VAV2: variants seen among roughly 807,000 people sequenced by gnomAD.
VAV2 encodes the protein vav guanine nucleotide exchange factor 2.
A neutral mutation model predicts 132.5 loss-of-function variants in VAV2; 67 were observed. The ratio of observed to expected loss-of-function variants is 0.51; its 90% CI spans 0.42 to 0.62. The LOEUF (loss-of-function observed/expected upper bound fraction) is 0.62, where lower values mean the gene tolerates loss of function less well. Ranked by LOEUF, VAV2 falls within the 20% of genes least tolerant of loss-of-function variation. The probability of loss-of-function intolerance (pLI) is 0.00; values close to 1 mark genes in which losing one functional copy is unlikely to be tolerated. For missense variants in VAV2, 938 were observed against 1,153.6 expected (o/e 0.81, Z 2.71); for synonymous variants, 492 against 443.5 (o/e 1.11, Z -1.37).
chr9:133,777,990 T>G (rs1833875009), intron 22 of VAV2, among the ~76,000 whole-genome samples: 2 of 152,158 alleles, frequency 1.3e-5, no homozygotes, highest in African/African-American at 4.8e-5. Flanking sequence ...TCTGCTGACC[T>G]GTGGGTCTTG....
intron 1 of VAV2, among the ~76,000 whole-genome samples, chr9:133,976,032 C>T (rs1842494602): frequency 8.4e-6 from 1 of 118,734 alleles, no homozygotes; most frequent in Non-Finnish European, 1.8e-5. Context: ...CCCATCTCTA[C>T]TAAAAAAAAA....
At chr9:133,808,718 G>C (rs920312765) in intron 7 of VAV2, among the ~76,000 whole-genome samples, 1 of 152,198 alleles carries the variant, frequency 6.6e-6, no homozygotes, top group Non-Finnish European at 1.5e-5. Flanking sequence ...GGTGGGGTGG[G>C]GGGAATACGC....
At chr9:133,872,179 C>A (rs1389456270) in intron 2 of VAV2, among the ~76,000 whole-genome samples, 1 of 147,522 alleles carries the variant, frequency 6.8e-6, no homozygotes, top group Admixed American at 6.6e-5. Flanking sequence ...GGAGACTGAT[C>A]GTATGTGAAC....
intron 2 of VAV2, among the ~76,000 whole-genome samples, chr9:133,875,159 C>T (rs1440175663): frequency 6.6e-6 from 1 of 152,214 alleles, no homozygotes; most frequent in Admixed American, 6.5e-5. Flanking sequence ...TGAACTCTCA[C>T]CACGCTCAGG....
intron 13 of VAV2, among the ~76,000 whole-genome samples, chr9:133,790,844 CG>C (rs1277976670): frequency 1.3e-5 from 2 of 152,052 alleles, no homozygotes; most frequent in African/African-American, 2.4e-5. Flanking sequence ...GCCTGGCCAT[CG>C]GGGACCTTCC....
intron 23 of VAV2, 74 bp downstream of exon 23, chr9:133,777,315 G>A (rs963719407): frequency 3.7e-5 from 56 of 1,501,786 alleles, no homozygotes; most frequent in Non-Finnish European, 4.7e-5. Flanking sequence ...AAATGTCCAC[G>A]TGAGGAGGCA....
chr9:133,847,841 G>A (rs2131828767), intron 3 of VAV2, among the ~76,000 whole-genome samples: 1 of 152,312 alleles, frequency 6.6e-6, no homozygotes, highest in Non-Finnish European at 1.5e-5. Flanking sequence ...ATGATGGTGG[G>A]TGGACGGGGC....
chr9:133,813,862 T>C (rs1835452949), intron 4 of VAV2, among the ~76,000 whole-genome samples: 1 of 152,216 alleles, frequency 6.6e-6, no homozygotes, highest in Non-Finnish European at 1.5e-5. Flanking sequence ...CCAGCGCCTG[T>C]AGAAAAACAG....
At chr9:133,875,735 G>C (rs978682911) in intron 2 of VAV2, among the ~76,000 whole-genome samples, 4 of 152,212 alleles carry the variant, frequency 2.6e-5, no homozygotes, top group Non-Finnish European at 5.9e-5. Context: ...AGAGGCTATA[G>C]AATGAATTGA....
chr9:133,881,691 G>A (rs112516139), intron 2 of VAV2, among the ~76,000 whole-genome samples: 1,774 of 152,306 alleles, frequency 0.012, 20 homozygotes, highest in Middle Eastern at 0.024. Flanking sequence ...ACTTTGAGAG[G>A]CCCTCTCATG....
chr9:133,778,822 G>A lies in VAV2; in HGVS notation c.1830C>T (p.Thr610=). 1 of 1,613,148 alleles carries A rather than the reference G, an allele frequency of 6.2e-7. No individual in the cohort carries two copies. Among genetic ancestry groups the A allele is most frequent in the East Asian group, 2.2e-5 (1 of 44,868 alleles). ...NPAPPGKPVL[T]FQTGDVLELL... ...GCTCAAGCACGTCGCCCGTCTGGAA[G>A]GTCAGCACAGGCTTCCCGGGAGGGG... Residue 610 remains threonine, a synonymous_variant, in exon 22 of 30, where the codon ACC becomes ACT. Coordinates refer to ENST00000371850, the MANE Select transcript of VAV2 (RefSeq NM_001134398.2).
chr9:133,988,719 C>T (rs540482316), intron 1 of VAV2, among the ~76,000 whole-genome samples: 250 of 152,112 alleles, frequency 1.6e-3, no homozygotes, highest in Non-Finnish European at 3.0e-3. Context: ...GTCAGGAGTT[C>T]GAGACCACCC....
chr9:133,843,010 C>T (rs183386376), intron 3 of VAV2, among the ~76,000 whole-genome samples: 20 of 152,340 alleles, frequency 1.3e-4, no homozygotes, highest in African/African-American at 4.8e-4. Flanking sequence ...TTATTAGAAA[C>T]GGTTCTCCTG....
chr9:133,954,541 C>T (rs1330116893), intron 1 of VAV2, among the ~76,000 whole-genome samples: 3 of 152,238 alleles, frequency 2.0e-5, no homozygotes, highest in Non-Finnish European at 2.9e-5. Context: ...GAGAAGGCAT[C>T]GCAGGTCCAG....
intron 3 of VAV2, among the ~76,000 whole-genome samples, chr9:133,859,821 T>A (rs1837527797): frequency 6.6e-6 from 1 of 152,198 alleles, no homozygotes. Flanking sequence ...AAACGGTGCC[T>A]ATTACAGACT....
chr9:133,950,727 G>T (rs970225545), intron 1 of VAV2, among the ~76,000 whole-genome samples: 2 of 152,118 alleles, frequency 1.3e-5, no homozygotes, highest in South Asian at 2.1e-4. Flanking sequence ...TCGGCCCTCC[G>T]GGTTGCTCTC....
chr9:133,969,263 C>T lies in VAV2; in HGVS notation c.204+22812G>A, dbSNP rs542911454. Among the ~76,000 whole-genome samples the T allele has an allele frequency of 2.0e-5, 3 of 151,884 alleles. No homozygotes were observed. The highest frequency in any genetic ancestry group is 2.9e-5 in the Non-Finnish European group (2 of 68,018). On this transcript the variant is annotated intron_variant, in intron 1 of 29. Transcript: ENST00000371850. The surrounding 1 kb of genome is among the most constrained non-coding windows in gnomAD (Gnocchi z 5.1). ...CTGCCGGATGAACTGCGGCTTCTCA[C>T]GGCTGCGCTGCTGGCATGGTAGAGA...
intron 1 of VAV2, among the ~76,000 whole-genome samples, chr9:133,940,890 A>G (rs1176760266): frequency 2.6e-5 from 4 of 151,816 alleles, no homozygotes; most frequent in Non-Finnish European, 4.4e-5. Flanking sequence ...TTTCCCTAAT[A>G]TATAAAGGAC....
At position 133,768,384 on chromosome 9, in the gene VAV2, C is replaced by T. The variant is rs1363412903; in HGVS notation, c.2589+58G>A. 9.5e-6 allele frequency: 15 copies of T among 1,582,718 alleles called. No individual in the cohort carries two copies. The highest frequency in any genetic ancestry group is 2.2e-5 in the East Asian group (1 of 44,662). On this transcript the variant is annotated intron_variant, in intron 29 of 29. Coordinates refer to ENST00000371850, the MANE Select transcript of VAV2 (RefSeq NM_001134398.2). This position sits in a 1 kb window ranked among gnomAD's most constrained non-coding sequence, Gnocchi z 5.3. Reference sequence around the variant, plus strand: ...GGTGTGGTGCTAGTCTGCCTGAGCCCGACCAGGTAGGGGCTGCAGCGAGGC... The same window carrying T: ...GGTGTGGTGCTAGTCTGCCTGAGCCTGACCAGGTAGGGGCTGCAGCGAGGC...
Sources: allele counts gnomAD v4.1 joint callset (sites outside exome capture counted in the v4.1 genomes callset), GRCh38; gene constraint gnomAD v4.1.1; non-coding constraint Gnocchi (gnomAD v3.1); transcripts MANE v1.5; gene names NCBI Gene and HGNC (gene_info 2026-07-23, HGNC 2026-07-21).